CFTR: variants seen among roughly 807,000 people sequenced by gnomAD.
The protein encoded by CFTR is CF transmembrane conductance regulator, also known as cystic fibrosis transmembrane conductance regulator.
A neutral mutation model predicts 171.6 loss-of-function variants in CFTR; 181 were observed. The observed-to-expected ratio is 1.05, with a 90% confidence interval of 0.93 to 1.19. CFTR has a LOEUF of 1.19. Among genes scored for constraint, CFTR ranks in the 50% most tolerant of loss-of-function variants. CFTR has a pLI of 0.00. For missense variants in CFTR, 1,968 were observed against 1,734.7 expected (o/e 1.13, Z -2.39); for synonymous variants, 583 against 608.0 (o/e 0.96, Z 0.60).
At chr7:117,511,928 A>G (rs1356754654) in intron 3 of CFTR, among the ~76,000 whole-genome samples, 2 of 152,150 alleles carry the variant, frequency 1.3e-5, no homozygotes, top group African/African-American at 4.8e-5. Context: ...AACTTACACC[A>G]GTGCCTTCCT....
At chr7:117,562,062 G>A (rs1297347116) in intron 11 of CFTR, among the ~76,000 whole-genome samples, 1 of 152,124 alleles carries the variant, frequency 6.6e-6, no homozygotes, top group African/African-American at 2.4e-5. Flanking sequence ...TAAATGAGAT[G>A]TACATGTAAT....
chr7:117,559,390 G>T, intron 10 of CFTR, 74 bp from the exon 11 acceptor site: 1 of 928,976 alleles, frequency 1.1e-6, no homozygotes. Context: ...CTTCTGCTTA[G>T]GATGATAATT....
rs962982812 is a variant in CFTR at position 117,656,215 on chromosome 7, A to C, written c.3963+3284A>C. Among the ~76,000 whole-genome samples the C allele has an allele frequency of 2.0e-5, 3 of 152,240 alleles. No individual in the cohort carries two copies. The South Asian group carries it at 6.2e-4, about 32-fold the overall frequency. On this transcript the variant is annotated intron_variant, in intron 24 of 26. Coordinates refer to ENST00000003084, the MANE Select transcript of CFTR (RefSeq NM_000492.4). ...CTCCACACCTTCTCATCTACTCCCT[A>C]TCTGAGTTCTGAAGCTCTCCACTAC...
chr7:117,494,994 A>G (rs988143466), intron 1 of CFTR, among the ~76,000 whole-genome samples: 1 of 152,174 alleles, frequency 6.6e-6, no homozygotes, highest in African/African-American at 2.4e-5. Context: ...AGCTTTAAAA[A>G]TGCCAGCCAG....
At chr7:117,550,809 A>G (rs1466128396) in intron 10 of CFTR, among the ~76,000 whole-genome samples, 1 of 152,226 alleles carries the variant, frequency 6.6e-6, no homozygotes, top group Non-Finnish European at 1.5e-5. Flanking sequence ...AAAAGCAGCT[A>G]TGAAGGCAGA....
At chr7:117,543,756 C>G (rs1051622636) in intron 9 of CFTR, among the ~76,000 whole-genome samples, 1 of 152,154 alleles carries the variant, frequency 6.6e-6, no homozygotes, top group Non-Finnish European at 1.5e-5. Context: ...TCTTTGTCAC[C>G]TAAACTCTGG....
intron 3 of CFTR, among the ~76,000 whole-genome samples, chr7:117,514,011 A>C (rs1358195836): frequency 1.3e-5 from 2 of 152,186 alleles, no homozygotes; most frequent in African/African-American, 4.8e-5. Flanking sequence ...CTGGGACACT[A>C]TCATTCTTGA....
intron 10 of CFTR, among the ~76,000 whole-genome samples, chr7:117,557,118 T>C (rs1781962396): frequency 6.6e-6 from 1 of 152,178 alleles, no homozygotes; most frequent in East Asian, 1.9e-4. Context: ...TTCTGATATA[T>C]AGTGTTTCCA....
At chr7:117,642,409 G>C (rs868380462) in intron 22 of CFTR, 29 bp from the exon 23 acceptor site, 1 of 1,594,842 alleles carries the variant, frequency 6.3e-7, no homozygotes, top group Middle Eastern at 1.7e-4. Context: ...ATATGTCACA[G>C]AAGTGATCCC....
chr7:117,484,349 A>G (rs1392257936), intron 1 of CFTR, among the ~76,000 whole-genome samples: 1 of 152,188 alleles, frequency 6.6e-6, no homozygotes, highest in Non-Finnish European at 1.5e-5. Context: ...CCATGACTCC[A>G]TTTAGTCAGT....
chr7:117,512,730 C>A (rs973206912), intron 3 of CFTR, among the ~76,000 whole-genome samples: 4 of 151,276 alleles, frequency 2.6e-5, no homozygotes, highest in African/African-American at 9.7e-5. Flanking sequence ...TTGAGGGAAG[C>A]CAAGTAGAGG....
rs534266163 is a variant in CFTR at position 117,501,572 on chromosome 7, C to A, written c.54-2681C>A. 2.6e-5 allele frequency among the ~76,000 whole-genome samples: 4 copies of A among 150,982 alleles called. No individual in the cohort carries two copies. In the South Asian group the frequency reaches 8.4e-4, roughly 32 times the overall value. ...ACCAACCTGACCAACATGGAGAAACCCTGTCTCTACTAAAAATATAAAAAA... is the reference window on the plus strand; with the variant it reads ...ACCAACCTGACCAACATGGAGAAACACTGTCTCTACTAAAAATATAAAAAA... On this transcript the variant is annotated intron_variant, in intron 1 of 26. Coordinates refer to ENST00000003084, the MANE Select transcript of CFTR (RefSeq NM_000492.4).
At chr7:117,659,782 A>C (rs975865574) in intron 24 of CFTR, among the ~76,000 whole-genome samples, 1 of 152,266 alleles carries the variant, frequency 6.6e-6, no homozygotes, top group Admixed American at 6.5e-5. Flanking sequence ...AATAGCAGAA[A>C]TAGTGGCCTT....
At chr7:117,547,921 G>A (rs1323367090) in intron 9 of CFTR, among the ~76,000 whole-genome samples, 3 of 152,134 alleles carry the variant, frequency 2.0e-5, no homozygotes, top group African/African-American at 7.2e-5. Flanking sequence ...TTAAAACAAG[G>A]TGCATCTGCT....
At chr7:117,524,164 T>C (rs1798731250) in intron 3 of CFTR, among the ~76,000 whole-genome samples, 1 of 152,234 alleles carries the variant, frequency 6.6e-6, no homozygotes, top group East Asian at 1.9e-4. Flanking sequence ...CTAATCATGA[T>C]ATAAAGAATT....
At chr7:117,548,333 G>GGTGTGTGTGTGTGTGTGTGTGTGT (rs3034794) in intron 9 of CFTR, among the ~76,000 whole-genome samples, 7 of 144,070 alleles carry the variant, frequency 4.9e-5, no homozygotes, top group Non-Finnish European at 6.1e-5. Context: ...AGGAGAAGAG[G>GGTGTGTGTGTGTGTGTGTGTGTGT]GTGTGTGTGT....
chr7:117,607,261 A>G (rs537639816), intron 18 of CFTR, among the ~76,000 whole-genome samples: 1 of 152,298 alleles, frequency 6.6e-6, no homozygotes, highest in South Asian at 2.1e-4. Flanking sequence ...TTAGAACAAA[A>G]GAGAGGGGAA....
At chr7:117,535,149 T>C (rs1475032439) in intron 5 of CFTR, 99 bp from the exon 6 acceptor site, 17 of 1,278,302 alleles carry the variant, frequency 1.3e-5, no homozygotes, top group South Asian at 2.4e-5. Context: ...TGTTTGATCA[T>C]ATAAGCTCCT....
chr7:117,647,348 C>T (rs970895248), intron 23 of CFTR: 7 of 152,094 alleles, frequency 4.6e-5, no homozygotes, highest in Non-Finnish European at 1.0e-4. Context: ...GTAACTGGCT[C>T]ACGGTTCTTC....
Sources: allele counts gnomAD v4.1 joint callset (sites outside exome capture counted in the v4.1 genomes callset), GRCh38; gene constraint gnomAD v4.1.1; transcripts MANE v1.5; gene names NCBI Gene and HGNC (gene_info 2026-07-23, HGNC 2026-07-21).